The following AASS variants were observed in gnomAD, a reference collection of about 807,000 sequenced individuals.
The protein encoded by AASS is aminoadipate-semialdehyde synthase, also known as alpha-aminoadipic semialdehyde synthase, mitochondrial.
In AASS, 86 loss-of-function variants were observed where a neutral mutation model predicts 105.4. That is an observed-to-expected ratio of 0.82 (90% CI 0.69 to 0.98). The LOEUF (loss-of-function observed/expected upper bound fraction) is 0.98, where lower values mean the gene tolerates loss of function less well. AASS is among the 50% of genes least tolerant of loss of function. AASS has a pLI of 0.00. For synonymous variants in AASS, 381 were observed against 394.8 expected, an observed-to-expected ratio of 0.96 and a Z score of 0.41; for missense variants, 1,048 against 1,143.2, an observed-to-expected ratio of 0.92 and a Z score of 1.20.
intron 20 of AASS, 86 bp downstream of exon 20, chr7:122,081,414 G>T: frequency 9.9e-7 from 1 of 1,011,306 alleles, no homozygotes; most frequent in Non-Finnish European, 1.6e-6. Context: ...AGGATCTTTT[G>T]CAGATCCAAA....
At chr7:122,088,435 A>G (rs930351183) in intron 18 of AASS, among the ~76,000 whole-genome samples, 3 of 152,154 alleles carry the variant, frequency 2.0e-5, no homozygotes, top group Admixed American at 2.0e-4. Context: ...ACTGAGGCTG[A>G]GTCACCCAAA....
intron 1 of AASS, among the ~76,000 whole-genome samples, chr7:122,143,307 C>G (rs891440710): frequency 1.3e-5 from 2 of 152,046 alleles, no homozygotes; most frequent in Non-Finnish European, 2.9e-5. Context: ...CTAATTCATT[C>G]TCTCTCGCGC....
chr7:122,138,925 A>C (rs7809130), intron 1 of AASS, among the ~76,000 whole-genome samples: 2,032 of 152,246 alleles, frequency 0.013, 50 homozygotes, highest in African/African-American at 0.046. Context: ...CACTGAGTAC[A>C]CCATCATTCT....
intron 11 of AASS, among the ~76,000 whole-genome samples, chr7:122,110,347 A>C (rs1794872867): frequency 6.6e-6 from 1 of 151,894 alleles, no homozygotes; most frequent in Non-Finnish European, 1.5e-5. Context: ...TAAAAAAAAA[A>C]TGACAATAAA....
chr7:122,137,263 T>C (rs1562996989), intron 1 of AASS, among the ~76,000 whole-genome samples: 1 of 152,190 alleles, frequency 6.6e-6, no homozygotes, highest in African/African-American at 2.4e-5. Context: ...TGGAATCATA[T>C]AGGATCTGTT....
intron 11 of AASS, among the ~76,000 whole-genome samples, chr7:122,105,946 A>G (rs1794646564): frequency 6.6e-6 from 1 of 152,140 alleles, no homozygotes; most frequent in African/African-American, 2.4e-5. Context: ...AGTTTGTTTG[A>G]AAAGGTAAAC....
Position 122,116,949 on chromosome 7 carries a change from T to A in AASS, c.696A>T (p.Gln232His). The change falls in exon 7 of 24, where the codon CAA becomes CAT. Residue 232 changes from glutamine to histidine, a missense_variant. Transcript: ENST00000417368. ...TGTGNVSKGA[Q>H]AIFNELPCEY... ...CACAAGGTAGCTCATTAAAGATTGCTTGGGCTCCCTACAAATAACACATGA... is the reference window on the plus strand; with the variant it reads ...CACAAGGTAGCTCATTAAAGATTGCATGGGCTCCCTACAAATAACACATGA... 6.2e-7 allele frequency: 1 copy of A among 1,613,760 alleles called. No homozygotes were observed. Among genetic ancestry groups the A allele is most frequent in the Non-Finnish European group, 8.5e-7 (1 of 1,179,912 alleles).
At chr7:122,085,692 G>T (rs1018037016) in intron 19 of AASS, among the ~76,000 whole-genome samples, 5 of 152,028 alleles carry the variant, frequency 3.3e-5, no homozygotes, top group African/African-American at 1.2e-4. Context: ...CTCTGCCATC[G>T]CACAGCACTT....
chr7:122,101,712 A>T, intron 11 of AASS, 32 bp from the exon 12 acceptor site: 1 of 1,534,630 alleles, frequency 6.5e-7, no homozygotes, highest in Non-Finnish European at 9.0e-7. Context: ...TAAGAGATAA[A>T]TGACACTGCA....
intron 19 of AASS, among the ~76,000 whole-genome samples, chr7:122,083,557 T>C (rs552636706): frequency 6.6e-6 from 1 of 152,148 alleles, no homozygotes; most frequent in East Asian, 1.9e-4. Context: ...AAGGGTCAGA[T>C]AAGTCAAGCA....
rs149477201 is a variant in AASS, at chr7:122,098,839, G to A, written c.1434C>T (p.Gly478=). The A allele has an allele frequency of 6.4e-6, 10 of 1,574,628 alleles. No individual in the cohort carries two copies. The highest frequency in any genetic ancestry group is 6.9e-6 in the Non-Finnish European group (8 of 1,161,796). Residue 478 remains glycine, a synonymous_variant, in exon 14 of 24, where the codon GGC becomes GGT. Coordinates refer to ENST00000417368, the MANE Select transcript of AASS (RefSeq NM_005763.4). ...CAAGAACCAAAACCTTTCTCCTGGT[G>A]CCCATTGAAAGTGACTGAGCACGTT... The part of the protein sequence containing the change: ...SRERAQSLSM[G]TRRKVLVLGS...
Position 122,086,167 on chromosome 7 carries a change from C to T in AASS, c.2029G>A (p.Ala677Thr). 3 of 1,613,032 alleles carry T rather than the reference C, an allele frequency of 1.9e-6. No individual in the cohort carries two copies. The highest frequency in any genetic ancestry group is 2.5e-6 in the Non-Finnish European group (3 of 1,179,658). ...GCATCAAGAAAGGAGATGCCTCCTG[C>T]AACATTCACAACCTGAGGAACATTG... ...YLLDGKVVNVAGGISFLDAVT... is the reference protein window; with the variant it reads ...YLLDGKVVNVTGGISFLDAVT... The change falls in exon 19 of 24, where the codon GCA becomes ACA. Residue 677 changes from alanine to threonine, a missense_variant. Coordinates refer to ENST00000417368, the MANE Select transcript of AASS (RefSeq NM_005763.4).
At chr7:122,090,809 T>C (rs1162557073) in intron 18 of AASS, among the ~76,000 whole-genome samples, 1 of 152,110 alleles carries the variant, frequency 6.6e-6, no homozygotes, top group East Asian at 1.9e-4. Flanking sequence ...CTTAACTCCC[T>C]AAACCTGATT....
At chr7:122,125,760 G>A (rs1795629127) in intron 4 of AASS, among the ~76,000 whole-genome samples, 1 of 148,908 alleles carries the variant, frequency 6.7e-6, no homozygotes, top group Admixed American at 6.7e-5. Flanking sequence ...TAGAAGCACA[G>A]GTCTGAATAA....
chr7:122,108,498 G>A (rs1007204145), intron 11 of AASS, among the ~76,000 whole-genome samples: 2 of 152,086 alleles, frequency 1.3e-5, no homozygotes, highest in African/African-American at 4.8e-5. Context: ...TTCATTCCAG[G>A]GGTGCAAGAA....
intron 11 of AASS, 106 bp downstream of exon 11, chr7:122,113,012 T>C: frequency 1.1e-6 from 1 of 915,412 alleles, no homozygotes; most frequent in Non-Finnish European, 1.8e-6. Context: ...TGGCATTTCA[T>C]TTTACAGCAG....
chr7:122,112,369 G>A (rs555196267), intron 11 of AASS, among the ~76,000 whole-genome samples: 16 of 152,246 alleles, frequency 1.1e-4, no homozygotes, highest in South Asian at 2.1e-4. Context: ...ATAGGAAAAA[G>A]AAAGGGTCAA....
intron 23 of AASS, among the ~76,000 whole-genome samples, chr7:122,077,228 T>C (rs1206367): frequency 0.63 from 95,916 of 151,944 alleles, 32,209 homozygotes; most frequent in African/African-American, 0.89. Context: ...TTCTTGAGGG[T>C]CAAACAGAGG....
Position 122,126,348 on chromosome 7 carries a change from G to A in AASS, c.472+27C>T, listed in dbSNP as rs374252055. On this transcript the variant is annotated intron_variant, in intron 4 of 23. Coordinates refer to ENST00000417368, the MANE Select transcript of AASS (RefSeq NM_005763.4). ...TATTCCCCAAGCCAATTTAGGAAGT[G>A]GGTGATGTAAGCCCTGGCATACTTA... 1.5e-5 allele frequency: 24 copies of A among 1,597,800 alleles called. No homozygotes were observed. The African/African-American group carries it at 2.7e-4, about 18-fold the overall frequency.
Sources: gnomAD v4.1 joint callset for allele counts (sites outside exome capture counted in the v4.1 genomes callset) on GRCh38, gnomAD v4.1.1 for gene constraint, MANE v1.5 for transcripts, NCBI Gene and HGNC (gene_info 2026-07-23, HGNC 2026-07-21) for gene names.